The following NPY2R variants were observed in gnomAD, a reference collection of about 807,000 sequenced individuals.
NPY2R encodes neuropeptide Y receptor Y2, also known as neuropeptide Y receptor type 2.
Under a neutral mutation model 22.3 loss-of-function variants are expected in NPY2R, and 17 were observed. The observed-to-expected ratio is 0.76, with a 90% CI of 0.52 to 1.14. The LOEUF (loss-of-function observed/expected upper bound fraction) is 1.14. Among genes scored for constraint, NPY2R ranks in the 50% most tolerant of loss-of-function variants. NPY2R has a pLI of 0.00. For missense variants in NPY2R, 424 were observed against 467.9 expected, an observed-to-expected ratio of 0.91 and a Z score of 0.87; for synonymous variants, 209 against 183.4, an observed-to-expected ratio of 1.14 and a Z score of -1.13.
At chr4:155,202,165 A>C in the NPY2R span, among the ~76,000 whole-genome samples, 3 of 152,204 alleles carry the variant, frequency 2.0e-5, no homozygotes, top group Non-Finnish European at 4.4e-5. Context: ...TTTCATAAAG[A>C]AGATGGTATC....
the NPY2R span, among the ~76,000 whole-genome samples, chr4:155,187,904 A>C: frequency 6.6e-6 from 1 of 152,204 alleles, no homozygotes; most frequent in East Asian, 1.9e-4. Context: ...TTGCAACTGC[A>C]GTGGACAAAA....
chr4:155,203,868 T>C (rs531202060), upstream of NPY2R, among the ~76,000 whole-genome samples: 5 of 152,346 alleles, frequency 3.3e-5, no homozygotes, highest in South Asian at 1.0e-3. Context: ...ATTTCCTAAC[T>C]AGGAACTCAT....
At chr4:155,205,144 A>G (rs1729256001), upstream of NPY2R, among the ~76,000 whole-genome samples, 1 of 152,142 alleles carries the variant, frequency 6.6e-6, no homozygotes, top group Admixed American at 6.6e-5. Context: ...AAAATTTAAA[A>G]TTTCAGTTCT....
At chr4:155,197,308 A>G in the NPY2R span, among the ~76,000 whole-genome samples, 1 of 151,998 alleles carries the variant, frequency 6.6e-6, no homozygotes, top group Non-Finnish European at 1.5e-5. Flanking sequence ...AATTATTTGT[A>G]GGTATCATAT....
the NPY2R span, among the ~76,000 whole-genome samples, chr4:155,192,603 T>A: frequency 1.3e-5 from 2 of 151,996 alleles, no homozygotes; most frequent in African/African-American, 2.4e-5. Flanking sequence ...CACACACAGT[T>A]TTAAAATTTT....
At chr4:155,176,315 G>A in the NPY2R span, among the ~76,000 whole-genome samples, 1 of 151,456 alleles carries the variant, frequency 6.6e-6, no homozygotes, top group Non-Finnish European at 1.5e-5. Flanking sequence ...GGCATTTCAC[G>A]AACACCAGCA....
chr4:155,184,716 A>C, the NPY2R span, among the ~76,000 whole-genome samples: 3 of 152,130 alleles, frequency 2.0e-5, no homozygotes, highest in Admixed American at 6.6e-5. Flanking sequence ...ATAACTGAGA[A>C]TCATTCTCAA....
In NPY2R at chr4:155,214,457, G is replaced by A; in HGVS notation, c.518G>A (p.Trp173Ter). 6.2e-7 allele frequency: 1 copy of A among 1,614,060 alleles called. No homozygotes were observed. Among genetic ancestry groups the A allele is most frequent in the Non-Finnish European group, 8.5e-7 (1 of 1,180,006 alleles). The change falls in exon 2 of 2, where the codon TGG becomes TAG. Residue 173 changes from tryptophan (W) to a stop codon, truncating the protein, a stop_gained. Transcript: ENST00000329476. LOFTEE classifies it high-confidence loss of function. ...AGCTTCCTGATTATTGGCTTGGCCT[G>A]GGGCATCAGTGCCCTGCTGGCAAGT... ...RISFLIIGLA[W>*]GISALLASPL...
chr4:155,190,682 C>A, the NPY2R span, among the ~76,000 whole-genome samples: 1 of 151,932 alleles, frequency 6.6e-6, no homozygotes, highest in Non-Finnish European at 1.5e-5. Context: ...GAAATTCATT[C>A]AATGACGTAA....
chr4:155,205,594 T>G (rs1384747056), upstream of NPY2R, among the ~76,000 whole-genome samples: 6 of 152,322 alleles, frequency 3.9e-5, no homozygotes, highest in East Asian at 1.2e-3. Flanking sequence ...TCCTTGGGAA[T>G]ATCTATTCAA....
the NPY2R span, among the ~76,000 whole-genome samples, chr4:155,174,484 A>ATATATATATATATATATATT: frequency 1.1e-3 from 112 of 106,024 alleles, 1 homozygote; most frequent in Admixed American, 1.8e-3. Context: ...ATATATATAT[A>ATATATATATATATATATATT]TTTTTTTTTT....
Position 155,214,599 on chromosome 4 carries a change from T to G in NPY2R, c.660T>G (p.Ser220Arg). The change falls in exon 2 of 2, where the codon AGT (serine) becomes AGG (arginine). Residue 220 changes from serine (S) to arginine (R), a missense_variant. Transcript: ENST00000329476. ...EEKSIYGTVYSLSSLLILYVL... is the reference protein window; with the variant it reads ...EEKSIYGTVYRLSSLLILYVL... ...AGAGCATCTATGGCACTGTCTATAG[T>G]CTTTCTTCCTTGTTGATCTTGTATG... 1 of 1,614,206 alleles carries G rather than the reference T, an allele frequency of 6.2e-7. No homozygotes were observed. Among genetic ancestry groups the G allele is most frequent in the Non-Finnish European group, 8.5e-7 (1 of 1,180,022 alleles).
chr4:155,195,401 C>A, the NPY2R span, among the ~76,000 whole-genome samples: 4 of 151,852 alleles, frequency 2.6e-5, no homozygotes, highest in Non-Finnish European at 5.9e-5. Context: ...GATTCTTTGA[C>A]CTTAGTGTCC....
chr4:155,203,588 A>G, the NPY2R span, among the ~76,000 whole-genome samples: 2 of 152,132 alleles, frequency 1.3e-5, no homozygotes, highest in African/African-American at 4.8e-5. Flanking sequence ...CTTCTCCTCC[A>G]TGAAAGGAAA....
upstream of NPY2R, chr4:155,206,576 C>A (rs1210118712): frequency 6.6e-6 from 1 of 152,168 alleles, no homozygotes; most frequent in African/African-American, 2.4e-5. Flanking sequence ...ATCATAGAGA[C>A]CATTTACTCT....
chr4:155,179,956 A>G, the NPY2R span, among the ~76,000 whole-genome samples: 1 of 151,810 alleles, frequency 6.6e-6, no homozygotes, highest in South Asian at 2.1e-4. Context: ...CTGAGAGACA[A>G]GTCCTATACT....
chr4:155,186,313 A>C, the NPY2R span, among the ~76,000 whole-genome samples: 1 of 152,298 alleles, frequency 6.6e-6, no homozygotes, highest in Non-Finnish European at 1.5e-5. Context: ...ATCATATTTT[A>C]GGTTATTTGA....
chr4:155,210,664 A>G (rs532164435), intron 1 of NPY2R, among the ~76,000 whole-genome samples: 5 of 133,276 alleles, frequency 3.8e-5, no homozygotes, highest in African/African-American at 1.0e-4. Context: ...GCACATGTGA[A>G]AAGAGGCTGG....
At chr4:155,194,491 C>T in the NPY2R span, among the ~76,000 whole-genome samples, 58 of 152,058 alleles carry the variant, frequency 3.8e-4, no homozygotes, top group African/African-American at 1.4e-3. Context: ...TAAGTGAGAA[C>T]ATGCAATATT....
Sources: allele counts gnomAD v4.1 joint callset (sites outside exome capture counted in the v4.1 genomes callset), GRCh38; gene constraint gnomAD v4.1.1; transcripts MANE v1.5; gene names NCBI Gene and HGNC (gene_info 2026-07-23, HGNC 2026-07-21).